ZNF112: variants seen among roughly 807,000 people sequenced by gnomAD.
ZNF112 encodes zinc finger protein 112 (Y14).
Under a neutral mutation model 77.7 loss-of-function variants are expected in ZNF112, and 37 were observed. The observed-to-expected ratio is 0.48, with a 90% CI of 0.37 to 0.63. The LOEUF (loss-of-function observed/expected upper bound fraction) is 0.63, where lower values mean the gene tolerates loss of function less well. Among genes scored for constraint, ZNF112 ranks in the 20% least tolerant of loss-of-function variants. The pLI is 0.00. For synonymous variants in ZNF112, 333 were observed against 363.6 expected (o/e 0.92, Z 0.96); for missense variants, 950 against 1,077.4 (o/e 0.88, Z 1.66).
Position 44,327,907 on chromosome 19 carries a change from C to G in ZNF112, c.2250G>C (p.Lys750Asn). 6.2e-7 allele frequency: 1 copy of G among 1,614,002 alleles called. No individual in the cohort carries two copies. The highest frequency in any genetic ancestry group is 8.5e-7 in the Non-Finnish European group (1 of 1,179,996). Reference protein sequence around the residue: ...VKPYKCEMCGKGFSQSSRLEA... With the variant: ...VKPYKCEMCGNGFSQSSRLEA... The stretch of plus-strand genomic sequence containing the variant: ...CAAGGCGCGAACTCTGACTAAAGCC[C>G]TTCCCACACATCTCACATTTATACG... Residue 750 changes from lysine (K) to asparagine (N), a missense_variant, in exon 4 of 4, where the codon AAG (lysine) becomes AAC (asparagine). This residue lies in a region of ZNF112 where 373 missense variants were observed against 482.8 expected (regional missense o/e 0.77). Transcript: ENST00000354340.
At chr19:44,346,077 A>T (rs566248472) in intron 1 of ZNF112, among the ~76,000 whole-genome samples, 2 of 152,346 alleles carry the variant, frequency 1.3e-5, no homozygotes, top group East Asian at 3.9e-4. Flanking sequence ...CTGAGCTTGT[A>T]TGTGCCCCGC....
chr19:44,347,930 T>C (rs1568673320), intron 1 of ZNF112, among the ~76,000 whole-genome samples: 1 of 152,122 alleles, frequency 6.6e-6, no homozygotes, highest in Non-Finnish European at 1.5e-5. Context: ...AGATGTGGCA[T>C]TTTTTCATTT....
chr19:44,336,622 C>T lies in ZNF112; in HGVS notation c.220+1G>A. 1 of 1,612,832 alleles carries T rather than the reference C, an allele frequency of 6.2e-7. No individual in the cohort carries two copies. Among genetic ancestry groups the T allele is most frequent in the Non-Finnish European group, 8.5e-7 (1 of 1,178,822 alleles). On this transcript the variant is annotated splice_donor_variant, in intron 3 of 3. Transcript: ENST00000354340. LOFTEE classifies it high-confidence loss of function. ...CTGTGTTCCTGCAGCACAGTTCTCA[C>T]CTGAACATCCATCTCTTGGGGTTTC...
chr19:44,360,462 A>C (rs1185308123), upstream of ZNF112, among the ~76,000 whole-genome samples: 1 of 152,162 alleles, frequency 6.6e-6, no homozygotes, highest in Non-Finnish European at 1.5e-5. Flanking sequence ...ATCTACAAAA[A>C]TGGCAACAAA....
At chr19:44,345,343 G>T (rs1255851960) in intron 1 of ZNF112, among the ~76,000 whole-genome samples, 1 of 152,206 alleles carries the variant, frequency 6.6e-6, no homozygotes, top group African/African-American at 2.4e-5. Flanking sequence ...GGGCCTGGGA[G>T]CCAGGCCTCT....
At chr19:44,351,656 G>A (rs1970694122) in intron 1 of ZNF112, among the ~76,000 whole-genome samples, 1 of 151,856 alleles carries the variant, frequency 6.6e-6, no homozygotes, top group Admixed American at 6.6e-5. Flanking sequence ...GATATTTCTA[G>A]TTAACTGGAA....
chr19:44,328,350 A>G lies in ZNF112; in HGVS notation c.1807T>C (p.Tyr603His). The change falls in exon 4 of 4, where the codon TAC (tyrosine) becomes CAC (histidine). Residue 603 changes from tyrosine (Y) to histidine (H), a missense_variant. Physicochemically the swap from Tyr to His is moderately conservative, Grantham distance 83. Around this residue, in one of 3 missense-constraint regions of ZNF112, gnomAD observed 373 missense variants for 482.8 expected, o/e 0.77. Transcript: ENST00000354340. ...HQRVHTGEKP[Y>H]KCEECGKGFS... ...CCCTTCCCACACTCCTCACACTTGT[A>G]TGGTTTTTCTCCAGTGTGAACTCTC... 6.2e-7 allele frequency: 1 copy of G among 1,613,756 alleles called. No individual in the cohort carries two copies. Among genetic ancestry groups the G allele is most frequent in the Non-Finnish European group, 8.5e-7 (1 of 1,179,964 alleles).
chr19:44,327,835 C>T lies in ZNF112; in HGVS notation c.2322G>A (p.Glu774=), dbSNP rs1449518420. 7.4e-6 allele frequency: 12 copies of T among 1,613,724 alleles called. No individual in the cohort carries two copies. The Admixed American group carries it at 1.2e-4, about 16-fold the overall frequency. The part of the protein sequence containing the change: ...VHTGGKPYKC[E]VCTKGFSESS... ...TCTCACTGAAACCCTTTGTACACAC[C>T]TCACATTTGTATGGTTTCCCTCCTG... Residue 774 remains glutamate, a synonymous_variant, in exon 4 of 4, where the codon GAG becomes GAA. Coordinates refer to ENST00000354340, the MANE Select transcript of ZNF112 (RefSeq NM_013380.4).
intron 1 of ZNF112, among the ~76,000 whole-genome samples, chr19:44,345,586 TG>T (rs142670453): frequency 0.018 from 2,784 of 152,342 alleles, 38 homozygotes; most frequent in Non-Finnish European, 0.028. Context: ...AATCACACAG[TG>T]GTCATCCTAT....
chr19:44,328,740 T>A lies in ZNF112; in HGVS notation c.1417A>T (p.Ser473Cys). ...QPYKRYVCSN[S>C]FSHNLYLQGH... ...TGAAGATATAAATTATGGCTGAAGCTGTTACTACACACATAGCGTTTATAT... is the reference window on the plus strand; with the variant it reads ...TGAAGATATAAATTATGGCTGAAGCAGTTACTACACACATAGCGTTTATAT... Residue 473 changes from serine to cysteine, a missense_variant, in exon 4 of 4, where the codon AGC becomes TGC. Around this residue, in one of 3 missense-constraint regions of ZNF112, gnomAD observed 560 missense variants for 557.3 expected, o/e 1.00. Coordinates refer to ENST00000354340, the MANE Select transcript of ZNF112 (RefSeq NM_013380.4). 6.2e-7 allele frequency: 1 copy of A among 1,614,072 alleles called. No individual in the cohort carries two copies. Among genetic ancestry groups the A allele is most frequent in the Non-Finnish European group, 8.5e-7 (1 of 1,179,944 alleles).
intron 1 of ZNF112, among the ~76,000 whole-genome samples, chr19:44,345,098 G>A (rs1190598964): frequency 6.6e-6 from 1 of 152,122 alleles, no homozygotes; most frequent in African/African-American, 2.4e-5. Flanking sequence ...GTATCAATGG[G>A]GAGCTTTAAA....
chr19:44,351,764 A>G (rs1023240751), intron 1 of ZNF112, among the ~76,000 whole-genome samples: 1 of 152,100 alleles, frequency 6.6e-6, no homozygotes, highest in African/African-American at 2.4e-5. Context: ...AAAGATTAGT[A>G]AAAATTAAAC....
At chr19:44,333,631 C>T (rs4398194) in intron 3 of ZNF112, among the ~76,000 whole-genome samples, 2 of 152,148 alleles carry the variant, frequency 1.3e-5, no homozygotes, top group African/African-American at 4.8e-5. Context: ...TGTAGCACTT[C>T]CTGCCCTCTT....
intron 1 of ZNF112, among the ~76,000 whole-genome samples, chr19:44,354,398 A>C (rs1458966450): frequency 6.6e-6 from 1 of 152,166 alleles, no homozygotes; most frequent in Non-Finnish European, 1.5e-5. Flanking sequence ...AAAAACCTGG[A>C]AACACAACCT....
intron 3 of ZNF112, among the ~76,000 whole-genome samples, chr19:44,334,148 C>G (rs543250623): frequency 6.6e-6 from 1 of 152,162 alleles, no homozygotes. Context: ...ATTTTCCCAA[C>G]ATTGGTGCTA....
intron 1 of ZNF112, among the ~76,000 whole-genome samples, chr19:44,341,680 G>A (rs75449148): frequency 0.018 from 2,687 of 152,158 alleles, 89 homozygotes; most frequent in African/African-American, 0.061. Context: ...TGTTCATCTC[G>A]ATTTCTTGTT....
intron 1 of ZNF112, among the ~76,000 whole-genome samples, chr19:44,365,920 A>C (rs561505901): frequency 1.3e-5 from 2 of 152,348 alleles, no homozygotes; most frequent in East Asian, 3.9e-4. Context: ...AACATAACAC[A>C]GATTAACAGG....
chr19:44,334,240 T>G (rs1970323876), intron 3 of ZNF112, among the ~76,000 whole-genome samples: 1 of 152,204 alleles, frequency 6.6e-6, no homozygotes, highest in African/African-American at 2.4e-5. Flanking sequence ...ATGATTTAGG[T>G]TATCTGGTGG....
At chr19:44,364,890 A>AT (rs1970888058) in intron 1 of ZNF112, among the ~76,000 whole-genome samples, 1 of 152,018 alleles carries the variant, frequency 6.6e-6, no homozygotes, top group African/African-American at 2.4e-5. Flanking sequence ...TGTATTCAGG[A>AT]TTTTTTCACC....
Sources: allele counts gnomAD v4.1 joint callset (sites outside exome capture counted in the v4.1 genomes callset), GRCh38; gene constraint gnomAD v4.1.1; regional missense constraint gnomAD v4.1.1; transcripts MANE v1.5; gene names NCBI Gene and HGNC (gene_info 2026-07-23, HGNC 2026-07-21).